The following ADAMTSL1 variants were observed in gnomAD, a reference collection of about 807,000 sequenced individuals.
ADAMTSL1 encodes the protein ADAMTS like 1.
ADAMTSL1 carries 126 observed loss-of-function variants against 201.8 expected under a neutral mutation model. That is an observed-to-expected ratio of 0.62 (90% confidence interval 0.54 to 0.72). ADAMTSL1 has a LOEUF of 0.72. Among genes scored for constraint, ADAMTSL1 ranks in the 30% least tolerant of loss-of-function variants. The pLI is 0.00. For missense variants in ADAMTSL1, 2,679 were observed against 2,277.8 expected (o/e 1.18, Z -3.59); for synonymous variants, 1,121 against 903.4 (o/e 1.24, Z -4.32).
chr9:18,848,176 G>T (rs961530425), intron 23 of ADAMTSL1, among the ~76,000 whole-genome samples: 4 of 152,052 alleles, frequency 2.6e-5, no homozygotes, highest in Admixed American at 1.3e-4. Flanking sequence ...TAGTAAGAGG[G>T]GATCCCCATT....
chr9:18,557,168 G>C (rs568247580), intron 3 of ADAMTSL1, among the ~76,000 whole-genome samples: 1 of 151,956 alleles, frequency 6.6e-6, no homozygotes, highest in Non-Finnish European at 1.5e-5. Flanking sequence ...AGAACTCCTT[G>C]CTTTCTCTCT....
chr9:18,908,342 G>A (rs1339571103), intron 28 of ADAMTSL1, 100 bp from the exon 29 acceptor site: 2 of 998,632 alleles, frequency 2.0e-6, no homozygotes, highest in Non-Finnish European at 3.0e-6. Context: ...GTACCCCAGT[G>A]GCTGAAACCC....
chr9:18,440,288 T>G lies in ADAMTSL1; in HGVS notation c.208-64541T>G, dbSNP rs144712718. 1.8e-3 allele frequency among the ~76,000 whole-genome samples: 270 copies of G among 152,230 alleles called. 2 individuals are homozygous for G. The East Asian group carries it at 0.021, about 12-fold the overall frequency. ...ATCGAGGTAGACCCCTCAGTACCCATGCAACTTTGTGAACAGAACACCCAC... is the reference window on the plus strand; with the variant it reads ...ATCGAGGTAGACCCCTCAGTACCCAGGCAACTTTGTGAACAGAACACCCAC... On this transcript the variant is annotated intron_variant, in intron 2 of 29. Coordinates refer to the ADAMTSL1 transcript ENST00000680146.
chr9:18,399,211 C>G (rs1817866538), intron 2 of ADAMTSL1, among the ~76,000 whole-genome samples: 1 of 132,656 alleles, frequency 7.5e-6, no homozygotes, highest in Non-Finnish European at 1.6e-5. Context: ...TTTTCTTTGC[C>G]CAGAGATAAT....
chr9:18,584,730 C>T (rs559740147), intron 4 of ADAMTSL1, among the ~76,000 whole-genome samples: 2 of 152,140 alleles, frequency 1.3e-5, no homozygotes, highest in South Asian at 4.2e-4. Context: ...AGGAGATTGC[C>T]TTGTGAATCA....
chr9:18,118,969 G>T (rs1355052106), intron 1 of ADAMTSL1, among the ~76,000 whole-genome samples: 1 of 151,988 alleles, frequency 6.6e-6, no homozygotes, highest in Non-Finnish European at 1.5e-5. Flanking sequence ...ATTTTTGAGG[G>T]GACAGTACAG....
chr9:18,655,819 A>AATAAAAAAAAATAAAAAT (rs1828612777), intron 7 of ADAMTSL1, among the ~76,000 whole-genome samples: 2 of 101,044 alleles, frequency 2.0e-5, no homozygotes, highest in Non-Finnish European at 5.0e-5. Context: ...AAAAAAAAAA[A>AATAAAAAAAAATAAAAAT]AAAAAAAAAA....
intron 7 of ADAMTSL1, among the ~76,000 whole-genome samples, chr9:18,652,258 G>A (rs1436530489): frequency 1.3e-5 from 2 of 150,812 alleles, no homozygotes; most frequent in African/African-American, 4.9e-5. Flanking sequence ...TGTGATCCCA[G>A]CTACTCGGGA....
At chr9:18,471,850 G>T (rs1318987180), upstream of ADAMTSL1, among the ~76,000 whole-genome samples, 2 of 152,160 alleles carry the variant, frequency 1.3e-5, no homozygotes, top group East Asian at 3.9e-4. Context: ...CTTCAAGGCA[G>T]AAATTTCTGA....
chr9:18,236,961 A>G (rs552468992), intron 2 of ADAMTSL1, among the ~76,000 whole-genome samples: 7 of 152,232 alleles, frequency 4.6e-5, no homozygotes, highest in South Asian at 2.1e-4. Context: ...CATATTTTAT[A>G]TCAATGTAAG....
intron 2 of ADAMTSL1, among the ~76,000 whole-genome samples, chr9:18,241,464 C>T (rs925389395): frequency 9.9e-5 from 15 of 151,988 alleles, no homozygotes; most frequent in African/African-American, 3.4e-4. Context: ...TTGCCTTTTG[C>T]AGTAGAGCCT....
At chr9:18,775,216 TC>T (rs1291241596) in intron 17 of ADAMTSL1, among the ~76,000 whole-genome samples, 1 of 152,226 alleles carries the variant, frequency 6.6e-6, no homozygotes, top group African/African-American at 2.4e-5. Flanking sequence ...TTCTTGCACA[TC>T]TTTTCTTCTT....
At chr9:18,286,049 C>G (rs896998698) in intron 2 of ADAMTSL1, among the ~76,000 whole-genome samples, 2 of 152,126 alleles carry the variant, frequency 1.3e-5, no homozygotes, top group Non-Finnish European at 2.9e-5. Context: ...CTCTCTCTCT[C>G]TCTGTGGATT....
chr9:18,265,571 T>C (rs1473834927), intron 2 of ADAMTSL1, among the ~76,000 whole-genome samples: 1 of 152,182 alleles, frequency 6.6e-6, no homozygotes. Flanking sequence ...TATGGTAAAA[T>C]CTTTAACATA....
At chr9:18,814,460 C>T (rs1259961090) in intron 20 of ADAMTSL1, among the ~76,000 whole-genome samples, 1 of 152,162 alleles carries the variant, frequency 6.6e-6, no homozygotes. Flanking sequence ...TATTTGCAAA[C>T]TCTTTATCTG....
At chr9:18,443,970 G>C (rs368598896) in intron 2 of ADAMTSL1, among the ~76,000 whole-genome samples, 1 of 152,092 alleles carries the variant, frequency 6.6e-6, no homozygotes, top group Non-Finnish European at 1.5e-5. Flanking sequence ...ATGATCTTGT[G>C]TTCTAATGAC....
At chr9:18,237,960 G>A (rs945446372) in intron 2 of ADAMTSL1, among the ~76,000 whole-genome samples, 2 of 152,236 alleles carry the variant, frequency 1.3e-5, no homozygotes, top group Non-Finnish European at 2.9e-5. Flanking sequence ...TATGGCAGAG[G>A]AGGCAGAATG....
chr9:18,087,873 A>G (rs1563992362), intron 1 of ADAMTSL1, among the ~76,000 whole-genome samples: 1 of 152,152 alleles, frequency 6.6e-6, no homozygotes. Context: ...TGTCCTTTGG[A>G]TGAAATAGAA....
chr9:18,106,800 T>C (rs987715204), intron 1 of ADAMTSL1, among the ~76,000 whole-genome samples: 1 of 152,210 alleles, frequency 6.6e-6, no homozygotes, highest in African/African-American at 2.4e-5. Context: ...TTGCATCTTT[T>C]AGATGAGGTT....
Sources: gnomAD v4.1 joint callset for allele counts (sites outside exome capture counted in the v4.1 genomes callset) on GRCh38, gnomAD v4.1.1 for gene constraint, MANE v1.5 for transcripts, NCBI Gene and HGNC (gene_info 2026-07-23, HGNC 2026-07-21) for gene names.